FHIT: variants seen among roughly 807,000 people sequenced by gnomAD.
The protein encoded by FHIT is bis(5'-adenosyl)-triphosphatase.
In FHIT, 19 loss-of-function variants were observed where a neutral mutation model predicts 17.9. The ratio of observed to expected loss-of-function variants is 1.06; its 90% confidence interval spans 0.74 to 1.56. FHIT has a LOEUF of 1.56. Ranked by LOEUF, FHIT falls within the 40% of genes most tolerant of loss-of-function variation. The pLI, the probability that FHIT is intolerant of heterozygous loss-of-function variation, is 0.00. For missense variants in FHIT, 248 were observed against 189.2 expected (o/e 1.31, Z -1.82); for synonymous variants, 81 against 69.7 (o/e 1.16, Z -0.81).
intron 4 of FHIT, among the ~76,000 whole-genome samples, chr3:60,596,759 T>C (rs2038284282): frequency 6.6e-6 from 1 of 152,166 alleles, no homozygotes; most frequent in African/African-American, 2.4e-5. Flanking sequence ...TGTGACTGCC[T>C]ATAGAGAGCA....
chr3:60,378,936 C>T (rs749085105), intron 5 of FHIT, among the ~76,000 whole-genome samples: 3 of 152,168 alleles, frequency 2.0e-5, no homozygotes, highest in Non-Finnish European at 4.4e-5. Flanking sequence ...GAATATAGCC[C>T]GTTGCAAGCA....
At chr3:60,386,145 C>A (rs1204711931) in intron 5 of FHIT, among the ~76,000 whole-genome samples, 1 of 152,048 alleles carries the variant, frequency 6.6e-6, no homozygotes. Flanking sequence ...ATTTGAGCCC[C>A]GGCAGTGTGG....
intron 5 of FHIT, among the ~76,000 whole-genome samples, chr3:60,178,042 A>G (rs35247746): frequency 0.18 from 26,666 of 152,202 alleles, 2,590 homozygotes; most frequent in South Asian, 0.31. Context: ...TGGCAGCACT[A>G]GAATTTAACG....
chr3:60,591,629 T>TG (rs1553664312), intron 4 of FHIT, among the ~76,000 whole-genome samples: 1 of 152,048 alleles, frequency 6.6e-6, no homozygotes, highest in East Asian at 1.9e-4. Flanking sequence ...CCCCATGTCG[T>TG]GGAAGACTAA....
At chr3:59,841,307 G>A (rs1701525329) in intron 8 of FHIT, among the ~76,000 whole-genome samples, 1 of 152,158 alleles carries the variant, frequency 6.6e-6, no homozygotes, top group Non-Finnish European at 1.5e-5. Flanking sequence ...GCCCTTCAAG[G>A]AGGGACTTGG....
At chr3:60,795,163 C>T (rs552713751) in intron 4 of FHIT, among the ~76,000 whole-genome samples, 1 of 152,264 alleles carries the variant, frequency 6.6e-6, no homozygotes, top group African/African-American at 2.4e-5. Context: ...TACACAGAAC[C>T]TCCACATCCT....
Position 60,312,506 on chromosome 3 carries a change from C to T in FHIT, c.103+224354G>A, listed in dbSNP as rs183105321. ...CTTTAAAGAACTCCATTAGAACTAA[C>T]CCAAAACCAGTGGTCATTCTACCAG... On this transcript the variant is annotated intron_variant, in intron 5 of 9. Transcript: ENST00000492590. Among the ~76,000 whole-genome samples, 4 of 152,226 alleles carry T rather than the reference C, an allele frequency of 2.6e-5. No individual in the cohort carries two copies. In the East Asian group the frequency reaches 7.7e-4, roughly 29 times the overall value.
chr3:60,231,415 C>T (rs535986552), intron 5 of FHIT, among the ~76,000 whole-genome samples: 4 of 152,204 alleles, frequency 2.6e-5, no homozygotes, highest in African/African-American at 7.2e-5. Context: ...GTATTACCAA[C>T]ACCTCAGAGT....
chr3:60,685,086 C>A (rs961349981), intron 4 of FHIT, among the ~76,000 whole-genome samples: 6 of 152,118 alleles, frequency 3.9e-5, no homozygotes, highest in African/African-American at 1.4e-4. Context: ...CCCTTATCTT[C>A]CTAGTTACTT....
At chr3:61,014,555 A>C (rs1446346572) in intron 3 of FHIT, among the ~76,000 whole-genome samples, 1 of 151,600 alleles carries the variant, frequency 6.6e-6, no homozygotes, top group Non-Finnish European at 1.5e-5. Flanking sequence ...CGAGACGGGC[A>C]GATCATGAGG....
rs865831411 is a variant in FHIT at position 60,040,387 on chromosome 3, A to G, written c.104-26235T>C. ...TCTCGATCTCTTGACCTGGTGATCC[A>G]CCCACCTCGGCCTCCCAAAGTGCTG... On this transcript the variant is annotated intron_variant, in intron 5 of 9. Coordinates refer to ENST00000492590, the MANE Select transcript of FHIT (RefSeq NM_002012.4). 4.6e-4 allele frequency among the ~76,000 whole-genome samples: 70 copies of G among 152,034 alleles called. 1 individual carries two copies. The highest frequency in any genetic ancestry group is 1.5e-3 in the African/African-American group (61 of 41,470).
At chr3:60,392,798 TA>T (rs1163970469) in intron 5 of FHIT, among the ~76,000 whole-genome samples, 4 of 152,174 alleles carry the variant, frequency 2.6e-5, no homozygotes, top group Non-Finnish European at 5.9e-5. Context: ...TGGGGCCCAG[TA>T]AAACCAAAGG....
intron 2 of FHIT, among the ~76,000 whole-genome samples, chr3:61,189,534 A>G (rs1042341972): frequency 3.3e-5 from 5 of 152,220 alleles, no homozygotes; most frequent in Non-Finnish European, 7.3e-5. Flanking sequence ...ATTCAATGCC[A>G]TCCCCATCAA....
chr3:60,441,767 T>C (rs79824651), intron 5 of FHIT, among the ~76,000 whole-genome samples: 11 of 6,070 alleles, frequency 1.8e-3, no homozygotes, highest in Admixed American at 6.0e-3. Flanking sequence ...AATATATATA[T>C]ATTTATATGT....
At chr3:60,714,847 T>C (rs1553706221) in intron 4 of FHIT, among the ~76,000 whole-genome samples, 2 of 152,140 alleles carry the variant, frequency 1.3e-5, no homozygotes, top group African/African-American at 4.8e-5. Flanking sequence ...AGCATGAAAA[T>C]GGCCATACTG....
At chr3:59,840,048 G>A (rs1388932989) in intron 8 of FHIT, among the ~76,000 whole-genome samples, 2 of 152,192 alleles carry the variant, frequency 1.3e-5, no homozygotes, top group East Asian at 3.9e-4. Flanking sequence ...CAGTGAGTGG[G>A]GGCTACAGAA....
chr3:60,845,212 T>C (rs1702882475), intron 3 of FHIT, among the ~76,000 whole-genome samples: 1 of 152,120 alleles, frequency 6.6e-6, no homozygotes. Context: ...AAATTAATTT[T>C]TTTAGCCTTT....
intron 4 of FHIT, among the ~76,000 whole-genome samples, chr3:60,692,646 C>T (rs1553699768): frequency 6.6e-6 from 1 of 152,192 alleles, no homozygotes; most frequent in African/African-American, 2.4e-5. Context: ...TTCAGCCTAA[C>T]ATCTTAGCCC....
At chr3:61,041,333 C>T (rs533213370) in intron 3 of FHIT, among the ~76,000 whole-genome samples, 16 of 151,600 alleles carry the variant, frequency 1.1e-4, no homozygotes, top group African/African-American at 3.4e-4. Flanking sequence ...GCTGAGATCA[C>T]GCCACTGCAC....
Sources: gnomAD v4.1 joint callset for allele counts (sites outside exome capture counted in the v4.1 genomes callset) on GRCh38, gnomAD v4.1.1 for gene constraint, MANE v1.5 for transcripts, NCBI Gene and HGNC (gene_info 2026-07-23, HGNC 2026-07-21) for gene names.